The following MYLK2 variants were observed in gnomAD, a reference collection of about 807,000 sequenced individuals.
MYLK2 encodes myosin light chain kinase 2, skeletal/cardiac muscle.
In MYLK2, 27 loss-of-function variants were observed where a neutral mutation model predicts 58.2. That is an observed-to-expected ratio of 0.46 (90% confidence interval 0.34 to 0.64). The LOEUF (loss-of-function observed/expected upper bound fraction) is 0.64, where lower values mean the gene tolerates loss of function less well. Among genes scored for constraint, MYLK2 ranks in the 30% least tolerant of loss-of-function variants. The pLI is 0.01. For synonymous variants in MYLK2, 310 were observed against 296.7 expected (o/e 1.04, Z -0.46); for missense variants, 676 against 764.3 (o/e 0.88, Z 1.36).
intron 6 of MYLK2, 149 bp from the exon 7 acceptor site, chr20:31,826,456 G>A (rs2062279925): frequency 2.8e-6 from 3 of 1,064,718 alleles, no homozygotes; most frequent in East Asian, 2.6e-5. Context: ...GACCACAGAT[G>A]TGGGGGTGGG....
intron 8 of MYLK2, chr20:31,827,504 T>C (rs761347712): frequency 1.0e-5 from 10 of 985,430 alleles, no homozygotes; most frequent in Non-Finnish European, 1.2e-5. Flanking sequence ...CAATGTTTCG[T>C]GAAAGAATAT....
chr20:31,832,332 C>A (rs1249850410), intron 12 of MYLK2, among the ~76,000 whole-genome samples, 196 bp downstream of exon 12: 1 of 152,128 alleles, frequency 6.6e-6, no homozygotes, highest in Non-Finnish European at 1.5e-5. Flanking sequence ...ACCCGGCCTT[C>A]CACCCAGCCC....
At chr20:31,826,481 C>T in intron 6 of MYLK2, 124 bp from the exon 7 acceptor site, 2 of 1,324,700 alleles carry the variant, frequency 1.5e-6, no homozygotes, top group Non-Finnish European at 2.1e-6. Flanking sequence ...AGAGGAGAGG[C>T]AAGGAGGAGG....
At chr20:31,830,093 G>C (rs571974296) in intron 8 of MYLK2, among the ~76,000 whole-genome samples, 1 of 152,194 alleles carries the variant, frequency 6.6e-6, no homozygotes, top group Admixed American at 6.5e-5. Context: ...TCCTGGCTCC[G>C]TCGCTTACTT....
At chr20:31,820,839 C>CT (rs1456938458) in intron 3 of MYLK2, among the ~76,000 whole-genome samples, 2 of 152,182 alleles carry the variant, frequency 1.3e-5, no homozygotes, top group Non-Finnish European at 2.9e-5. Context: ...ACTCCATGGG[C>CT]TTGGGTCTAG....
In MYLK2 at chr20:31,833,842, G is replaced by A. The variant is rs759292941; in HGVS notation, c.*45G>A. ...CCTGGACGCAGCCACACAGTGGCCG[G>A]GGCTGAAGCCACACAGCCCAGAAGG... On this transcript the variant is annotated 3_prime_UTR_variant, in exon 13 of 13. Transcript: ENST00000375985. The A allele has an allele frequency of 6.4e-7, 1 of 1,566,526 alleles. No individual in the cohort carries two copies. The highest frequency in any genetic ancestry group is 1.3e-5 in the African/African-American group (1 of 74,200).
intron 12 of MYLK2, among the ~76,000 whole-genome samples, chr20:31,833,323 G>T (rs2062316092): frequency 6.6e-6 from 1 of 152,188 alleles, no homozygotes; most frequent in South Asian, 2.1e-4. Flanking sequence ...CAGAGGTGTG[G>T]TTGGAGAGTT....
Position 31,826,622 on chromosome 20 carries a change from G to T in MYLK2, c.990G>T (p.Glu330Asp). 1 of 1,614,128 alleles carries T rather than the reference G, an allele frequency of 6.2e-7. No individual in the cohort carries two copies. Among genetic ancestry groups the T allele is most frequent in the Admixed American group, 1.7e-5 (1 of 60,032 alleles). ...GTCCCCAGGAAATGGTGTTGCTGGA[G>T]ATTGAGGTCATGAACCAGCTGAACC... ...TPKDKEMVLL[E>D]IEVMNQLNHR... is the part of the protein sequence containing the mutation. The change falls in exon 7 of 13, where the codon GAG becomes GAT. Residue 330 changes from glutamate to aspartate, a missense_variant. Physicochemically the swap from Glu to Asp is conservative, Grantham distance 45. Coordinates refer to ENST00000375985, the MANE Select transcript of MYLK2 (RefSeq NM_033118.4).
rs747657397 is a variant in MYLK2 at position 31,831,842 on chromosome 20, G to A, written c.1564G>A (p.Val522Ile). The part of the protein sequence containing the change: ...EAKDFVSNLI[V>I]KDQRARMNAA... ...CAAAGACTTTGTCTCCAACCTCATC[G>A]TCAAGGACCAGAGGTGAGGCTCACC... The change falls in exon 11 of 13, where the codon GTC becomes ATC. Residue 522 changes from valine (V) to isoleucine (I), a missense_variant. This residue lies in a region of MYLK2 where 370 missense variants were observed against 467.8 expected (regional missense o/e 0.79). Transcript: ENST00000375985. The A allele has an allele frequency of 1.2e-5, 19 of 1,614,158 alleles. No individual in the cohort carries two copies. Among genetic ancestry groups the A allele is most frequent in the African/African-American group, 5.3e-5 (4 of 75,044 alleles).
chr20:31,824,696 G>A, intron 6 of MYLK2: 1 of 491,282 alleles, frequency 2.0e-6, no homozygotes, highest in Non-Finnish European at 2.6e-6. Flanking sequence ...AAGTGGGTGT[G>A]GTCTCCACCC....
rs142424786 is a variant in MYLK2, at chr20:31,821,001, T to C, written c.474-438T>C. ...GACTAATAACCAGATTGGAGGATCA[T>C]TGATAATATTTTCATAACCATAATA... On this transcript the variant is annotated intron_variant, in intron 3 of 12. Transcript: ENST00000375985. Among the ~76,000 whole-genome samples the C allele has an allele frequency of 1.4e-4, 21 of 152,360 alleles. No homozygotes were observed. In the East Asian group the frequency reaches 3.9e-3, roughly 28 times the overall value.
In MYLK2 at chr20:31,831,157, G is replaced by A. The variant is rs2062304566; in HGVS notation, c.1424+16G>A. On this transcript the variant is annotated intron_variant, in intron 10 of 12. Coordinates refer to ENST00000375985, the MANE Select transcript of MYLK2 (RefSeq NM_033118.4). ...CCTACATGCTGTGAGCTCCCAGGCGGGTCGTGTTTATGGGGTTGGTGGGGC... is the reference window on the plus strand; with the variant it reads ...CCTACATGCTGTGAGCTCCCAGGCGAGTCGTGTTTATGGGGTTGGTGGGGC... The A allele has an allele frequency of 6.2e-7, 1 of 1,614,032 alleles. No homozygotes were observed. The highest frequency in any genetic ancestry group is 8.5e-7 in the Non-Finnish European group (1 of 1,179,974).
chr20:31,826,545 AGGGT>A, intron 6 of MYLK2, 56 bp from the exon 7 acceptor site: 8 of 1,608,718 alleles, frequency 5.0e-6, no homozygotes, highest in Non-Finnish European at 6.8e-6. Flanking sequence ...GCGGGTATGG[AGGGT>A]GGGTGGCAGG....
At chr20:31,820,681 C>G (rs920412542) in intron 3 of MYLK2, 135 bp downstream of exon 3, 1 of 1,171,002 alleles carries the variant, frequency 8.5e-7, no homozygotes, top group African/African-American at 1.5e-5. Context: ...TCAGTTTCCT[C>G]TGTCCTGTGA....
Position 31,819,592 on chromosome 20 carries a change from A to G in MYLK2, c.12A>G (p.Glu4=). The G allele has an allele frequency of 6.4e-7, 1 of 1,551,604 alleles. No homozygotes were observed. The highest frequency in any genetic ancestry group is 2.0e-5 in the Admixed American group (1 of 51,016). The change falls in exon 2 of 13, where the codon GAA becomes GAG. Residue 4 remains glutamate (E), a synonymous_variant. Transcript: ENST00000375985. MAT[E]NGAVELGIQN... ...CGCCTCCCTACCTCATGGCGACAGA[A>G]AATGGAGCAGTTGAGCTGGGAATTC...
chr20:31,830,040 G>A (rs1192073009), intron 8 of MYLK2, among the ~76,000 whole-genome samples: 1 of 152,154 alleles, frequency 6.6e-6, no homozygotes, highest in Admixed American at 6.5e-5. Flanking sequence ...TGGTGGTAGC[G>A]GAACATCACA....
At chr20:31,826,354 G>C (rs1025114668) in intron 6 of MYLK2, among the ~76,000 whole-genome samples, 12 of 152,078 alleles carry the variant, frequency 7.9e-5, no homozygotes, top group African/African-American at 2.7e-4. Flanking sequence ...GAAGCGGTGA[G>C]GGGGGAGGAT....
chr20:31,824,450 G>T, intron 6 of MYLK2, 98 bp downstream of exon 6: 2 of 1,546,334 alleles, frequency 1.3e-6, no homozygotes, highest in Non-Finnish European at 1.7e-6. Flanking sequence ...TGAACCTGGG[G>T]CCTGGTATGG....
intron 8 of MYLK2, chr20:31,827,152 C>T (rs908564286): frequency 8.9e-5 from 87 of 982,936 alleles, no homozygotes; most frequent in Non-Finnish European, 9.4e-5. Context: ...AAAAAAAAGA[C>T]GTGGTACCAG....
Sources: gnomAD v4.1 joint callset for allele counts (sites outside exome capture counted in the v4.1 genomes callset) on GRCh38, gnomAD v4.1.1 for gene constraint, gnomAD v4.1.1 regional missense constraint, MANE v1.5 for transcripts, NCBI Gene and HGNC (gene_info 2026-07-23, HGNC 2026-07-21) for gene names.